The following ATP11C variants were observed in gnomAD, a reference collection of about 807,000 sequenced individuals.
ATP11C encodes phospholipid-transporting ATPase IG.
In ATP11C, 36 loss-of-function variants were observed where a neutral mutation model predicts 97.4. The ratio of observed to expected loss-of-function variants is 0.37; its 90% CI spans 0.28 to 0.49. ATP11C has a LOEUF of 0.49. Among genes scored for constraint, ATP11C ranks in the 20% least tolerant of loss-of-function variants. ATP11C has a pLI of 0.98. For missense variants in ATP11C, 730 were observed against 824.6 expected (o/e 0.89, Z 1.40); for synonymous variants, 275 against 290.9 (o/e 0.95, Z 0.56).
At chrX:139,785,696 G>A (rs999935845) in intron 15 of ATP11C, among the ~76,000 whole-genome samples, 7 of 111,772 alleles carry the variant, frequency 6.3e-5, no homozygotes, top group African/African-American at 2.0e-4. Flanking sequence ...ATCTGCCTGA[G>A]TCCCTTCCCT....
At chrX:139,881,305 T>TA (rs2084557793) in intron 1 of ATP11C, among the ~76,000 whole-genome samples, 1 of 111,500 alleles carries the variant, frequency 9.0e-6, no homozygotes, top group Non-Finnish European at 1.9e-5. Context: ...GGGCCTGGGC[T>TA]AAAAGGAGTG....
chrX:139,873,370 A>T (rs773294754), intron 1 of ATP11C, among the ~76,000 whole-genome samples: 1 of 111,715 alleles, frequency 9.0e-6, no homozygotes, highest in Admixed American at 9.6e-5. Flanking sequence ...ATGGTTGCAC[A>T]ATAGTGTGAA....
In ATP11C at chrX:139,831,351, G is replaced by GAA. The variant is rs111615650; in HGVS notation, c.28-4530_28-4529dup. Among the ~76,000 whole-genome samples, 555 of 102,185 alleles carry GAA rather than the reference G, an allele frequency of 5.4e-3. 3 individuals are homozygous for GAA. Among genetic ancestry groups the GAA allele is most frequent in the African/African-American group, 0.018 (523 of 28,318 alleles). The allele number at this position is 102,185 out of a possible 115,157, so 88.7% of individuals were successfully genotyped here. A position where few individuals can be genotyped will look rare whatever the true frequency, so the allele number is the denominator to read the frequency against. On this transcript the variant is annotated intron_variant, in intron 1 of 29. Transcript: ENST00000682941. ...TTACCCAATGGCTTCACATTTAATT[G>GAA]AAAAAAAAAAACTACTACAGGAAAT...
At chrX:139,835,253 G>T (rs915216275) in intron 1 of ATP11C, among the ~76,000 whole-genome samples, 1 of 111,880 alleles carries the variant, frequency 8.9e-6, no homozygotes, top group African/African-American at 3.3e-5. Flanking sequence ...TTAATAAAGA[G>T]AGGCAAGAAA....
intron 18 of ATP11C, 139 bp downstream of exon 18, chrX:139,782,408 G>T: frequency 2.7e-6 from 1 of 365,783 alleles, no homozygotes; most frequent in Non-Finnish European, 4.5e-6. Flanking sequence ...TTTCATACTT[G>T]CTATAATAAA....
chrX:139,911,789 A>T (rs1322880667), intron 1 of ATP11C, among the ~76,000 whole-genome samples: 1 of 111,519 alleles, frequency 9.0e-6, no homozygotes, highest in Non-Finnish European at 1.9e-5. Flanking sequence ...AGGCCCATCG[A>T]CAGGAGAATG....
chrX:139,877,076 T>C (rs906150109), intron 1 of ATP11C, among the ~76,000 whole-genome samples: 3 of 111,969 alleles, frequency 2.7e-5, no homozygotes, highest in Admixed American at 9.4e-5. Context: ...GTCTGTGCCA[T>C]CTACCAATGA....
At chrX:139,914,632 G>A (rs1404783042) in intron 1 of ATP11C, among the ~76,000 whole-genome samples, 2 of 111,971 alleles carry the variant, frequency 1.8e-5, no homozygotes, top group East Asian at 2.8e-4. Context: ...CATCAAATCA[G>A]TGTAAGGCCT....
At chrX:139,824,123 CAA>C (rs774186718) in intron 2 of ATP11C, among the ~76,000 whole-genome samples, 1 of 59,289 alleles carries the variant, frequency 1.7e-5, no homozygotes, top group Non-Finnish European at 3.3e-5. Context: ...CTAAAAATAC[CAA>C]AAAAAAAAAA....
At chrX:139,823,007 C>T (rs928946465) in intron 2 of ATP11C, among the ~76,000 whole-genome samples, 1 of 109,774 alleles carries the variant, frequency 9.1e-6, no homozygotes, top group Non-Finnish European at 1.9e-5. Flanking sequence ...ACCTGCAGTC[C>T]GGAGTTCGAG....
At chrX:139,879,888 G>A (rs1314785287) in intron 1 of ATP11C, among the ~76,000 whole-genome samples, 5 of 111,037 alleles carry the variant, frequency 4.5e-5, no homozygotes, top group South Asian at 3.8e-4. Context: ...TATTTCAGAA[G>A]GAGAGAAGGT....
At chrX:139,859,443 C>G (rs2084144597) in intron 1 of ATP11C, among the ~76,000 whole-genome samples, 1 of 112,008 alleles carries the variant, frequency 8.9e-6, no homozygotes, top group African/African-American at 3.2e-5. Flanking sequence ...AAATATCACT[C>G]TATACCCCAT....
At chrX:139,739,238 A>T (rs1193126843) in intron 27 of ATP11C, among the ~76,000 whole-genome samples, 1 of 110,879 alleles carries the variant, frequency 9.0e-6, no homozygotes, top group African/African-American at 3.3e-5. Flanking sequence ...GCAGCTAGTC[A>T]CAGAGTGTTC....
At chrX:139,742,874 A>T (rs866130929) in intron 26 of ATP11C, among the ~76,000 whole-genome samples, 10 of 24,168 alleles carry the variant, frequency 4.1e-4, no homozygotes, top group African/African-American at 1.8e-3. Flanking sequence ...TAAAAAAAAA[A>T]AAATATATAT....
intron 3 of ATP11C, among the ~76,000 whole-genome samples, chrX:139,817,501 G>C (rs1366288019): frequency 3.5e-5 from 4 of 112,824 alleles, no homozygotes; most frequent in Non-Finnish European, 7.5e-5. Context: ...GAGCCAGACT[G>C]TGCAGGGCCC....
At chrX:139,745,074 G>T (rs947424600) in intron 25 of ATP11C, among the ~76,000 whole-genome samples, 1 of 111,615 alleles carries the variant, frequency 9.0e-6, no homozygotes, top group Non-Finnish European at 1.9e-5. Flanking sequence ...AAAGCAGTAT[G>T]CAAGGTAGTG....
chrX:139,761,898 A>G lies in ATP11C; in HGVS notation c.2640+63T>C, dbSNP rs1603349926. ...AAAAAAAAAAAGGAAGAACAAAACCATGACCAAGCTGAGCCAATGCTGGAT... is the reference window on the plus strand; with the variant it reads ...AAAAAAAAAAAGGAAGAACAAAACCGTGACCAAGCTGAGCCAATGCTGGAT... On this transcript the variant is annotated intron_variant, in intron 22 of 29. Coordinates refer to ENST00000682941, the MANE Select transcript of ATP11C (RefSeq NM_001353812.2). 3 of 871,430 alleles carry G rather than the reference A, an allele frequency of 3.4e-6. No individual in the cohort carries two copies. The East Asian group carries it at 1.1e-4, about 31-fold the overall frequency. The allele number at this position is 871,430 out of a possible 1,213,427, so 71.8% of individuals were successfully genotyped here.
rs192045800 is a variant in ATP11C, at chrX:139,915,395, C to T, written c.27+16621G>A. On this transcript the variant is annotated intron_variant, in intron 1 of 29. Coordinates refer to ENST00000682941, the MANE Select transcript of ATP11C (RefSeq NM_001353812.2). ...AAAAGGACTTAAAAATTACACCTGG[C>T]GTAGTGGCTCACACCTATAATCTCA... 1.4e-3 allele frequency among the ~76,000 whole-genome samples: 160 copies of T among 111,749 alleles called. 1 individual carries two copies. The highest frequency in any genetic ancestry group is 5.0e-3 in the African/African-American group (155 of 30,804).
At chrX:139,819,259 T>G (rs1416490397) in intron 3 of ATP11C, 79 bp downstream of exon 3, 1 of 382,290 alleles carries the variant, frequency 2.6e-6, no homozygotes, top group Non-Finnish European at 4.5e-6. Context: ...CATGGCATTT[T>G]AAGGTTAGAA....
Sources: allele counts gnomAD v4.1 joint callset (sites outside exome capture counted in the v4.1 genomes callset), GRCh38; gene constraint gnomAD v4.1.1; transcripts MANE v1.5; gene names NCBI Gene and HGNC (gene_info 2026-07-23, HGNC 2026-07-21).